Variants in RANBP2 observed in about 807,000 individuals in gnomAD.
RANBP2 encodes E3 SUMO-protein ligase RanBP2.
In RANBP2, 57 loss-of-function variants were observed where a neutral mutation model predicts 303.6. The observed-to-expected ratio is 0.19, with a 90% CI of 0.15 to 0.23. RANBP2 has a LOEUF of 0.23. Among genes scored for constraint, RANBP2 ranks in the 10% least tolerant of loss-of-function variants. The pLI, the probability that RANBP2 is intolerant of heterozygous loss-of-function variation, is 1.00. For synonymous variants in RANBP2, 1,167 were observed against 1,301.5 expected (o/e 0.90, Z 2.23); for missense variants, 3,138 against 3,780.8 (o/e 0.83, Z 4.46).
the RANBP2 span, among the ~76,000 whole-genome samples, chr2:109,025,734 C>A: frequency 6.6e-6 from 1 of 150,432 alleles, no homozygotes; most frequent in Non-Finnish European, 1.5e-5. Flanking sequence ...GGAGGCAGAG[C>A]TTGCAGTGAG....
At chr2:108,923,582 C>T in the RANBP2 span, 3 of 757,304 alleles carry the variant, frequency 4.0e-6, no homozygotes, top group Non-Finnish European at 7.1e-6. Flanking sequence ...CACGCCCACT[C>T]AGTCACCTGC....
Position 108,735,534 on chromosome 2 carries a change from A to G in RANBP2, c.408A>G (p.Glu136=). ...PGSPAIYKLK[E]QLLDCEGEDG... is the part of the protein sequence containing the mutation. ...TTTTCTTTTTCCCCTCTAAATAGGA[A>G]CAGCTTCTAGATTGTGAAGGTGAAG... The change falls in exon 5 of 29, where the codon GAA becomes GAG. Residue 136 remains glutamate, a splice_region_variant and synonymous_variant. Coordinates refer to ENST00000283195, the MANE Select transcript of RANBP2 (RefSeq NM_006267.5). 1 of 1,597,572 alleles carries G rather than the reference A, an allele frequency of 6.3e-7. No homozygotes were observed. The highest frequency in any genetic ancestry group is 8.5e-7 in the Non-Finnish European group (1 of 1,179,776).
At chr2:108,866,345 G>A in the RANBP2 span, among the ~76,000 whole-genome samples, 3 of 152,322 alleles carry the variant, frequency 2.0e-5, no homozygotes, top group South Asian at 2.1e-4. Flanking sequence ...CATCTGCAAA[G>A]CATTTGTCTT....
chr2:109,172,085 T>G, the RANBP2 span, among the ~76,000 whole-genome samples: 2 of 152,224 alleles, frequency 1.3e-5, no homozygotes, highest in African/African-American at 4.8e-5. Flanking sequence ...AAACTTGATA[T>G]GCACGTCATT....
At chr2:109,670,594 C>T in the RANBP2 span, among the ~76,000 whole-genome samples, 4 of 152,094 alleles carry the variant, frequency 2.6e-5, no homozygotes, top group Non-Finnish European at 5.9e-5. Flanking sequence ...GGGCTGTTCT[C>T]CTCTCCCCAG....
the RANBP2 span, among the ~76,000 whole-genome samples, chr2:108,842,646 A>G: frequency 3.3e-5 from 5 of 152,094 alleles, no homozygotes; most frequent in Non-Finnish European, 4.4e-5. Flanking sequence ...TAGCTATTCC[A>G]TAGGGAAGTG....
the RANBP2 span, among the ~76,000 whole-genome samples, chr2:109,346,307 G>C: frequency 2.0e-5 from 3 of 152,152 alleles, no homozygotes; most frequent in Non-Finnish European, 4.4e-5. Flanking sequence ...TGACGTTGCT[G>C]AAACATAAAT....
the RANBP2 span, among the ~76,000 whole-genome samples, chr2:108,805,500 C>T: frequency 1.5e-4 from 23 of 151,656 alleles, no homozygotes; most frequent in South Asian, 4.4e-3. Context: ...CTGAGGTGGG[C>T]GGATCACGAG....
At chr2:109,108,812 G>C in the RANBP2 span, among the ~76,000 whole-genome samples, 1 of 152,188 alleles carries the variant, frequency 6.6e-6, no homozygotes, top group South Asian at 2.1e-4. Context: ...TCCTCTCTCA[G>C]TCTTTGCCGC....
At chr2:109,610,952 A>G in the RANBP2 span, among the ~76,000 whole-genome samples, 2 of 152,324 alleles carry the variant, frequency 1.3e-5, no homozygotes, top group South Asian at 2.1e-4. Flanking sequence ...AAATCAGTCT[A>G]CCTTATTTCA....
the RANBP2 span, among the ~76,000 whole-genome samples, chr2:109,255,310 C>G: frequency 5.9e-5 from 9 of 152,146 alleles, no homozygotes; most frequent in Non-Finnish European, 5.9e-5. Context: ...CCATACCACC[C>G]ACCGGTGAAA....
At chr2:109,292,931 C>T in the RANBP2 span, among the ~76,000 whole-genome samples, 3 of 152,138 alleles carry the variant, frequency 2.0e-5, no homozygotes, top group Non-Finnish European at 4.4e-5. Context: ...AGGGTTTCAC[C>T]ATGTTGGTCA....
the RANBP2 span, among the ~76,000 whole-genome samples, chr2:108,902,872 A>G: frequency 6.6e-6 from 1 of 152,216 alleles, no homozygotes; most frequent in Admixed American, 6.5e-5. Flanking sequence ...CATCATTTAT[A>G]TTCACTGTAG....
chr2:109,058,280 G>C, the RANBP2 span, among the ~76,000 whole-genome samples: 1 of 152,208 alleles, frequency 6.6e-6, no homozygotes, highest in Non-Finnish European at 1.5e-5. Context: ...AGTGTGGAGA[G>C]GGTACTGACT....
At position 108,771,767 on chromosome 2, in the gene RANBP2, C is replaced by T. The variant is rs955573902; in HGVS notation, c.7916C>T (p.Thr2639Ile). ...DDDVLIVYEL[T>I]PTAEQKALAT... Reference sequence around the variant, plus strand: ...GATGTTCTCATTGTATATGAACTAACTCCAACCGCTGAGCAGAAAGCCCTT... The same window carrying T: ...GATGTTCTCATTGTATATGAACTAATTCCAACCGCTGAGCAGAAAGCCCTT... The change falls in exon 21 of 29, where the codon ACT becomes ATT. Residue 2639 changes from threonine to isoleucine, a missense_variant. Thr to Ile is a moderately conservative substitution (Grantham distance 89). Transcript: ENST00000283195. The T allele has an allele frequency of 1.9e-6, 3 of 1,613,976 alleles. No homozygotes were observed. Among genetic ancestry groups the T allele is most frequent in the East Asian group, 2.2e-5 (1 of 44,866 alleles).
chr2:108,973,625 G>A, the RANBP2 span, among the ~76,000 whole-genome samples: 1 of 152,224 alleles, frequency 6.6e-6, no homozygotes, highest in Non-Finnish European at 1.5e-5. Flanking sequence ...GCCTCCGGAA[G>A]AACAGAAGGA....
At chr2:109,415,828 C>T in the RANBP2 span, among the ~76,000 whole-genome samples, 1 of 152,220 alleles carries the variant, frequency 6.6e-6, no homozygotes, top group Non-Finnish European at 1.5e-5. Flanking sequence ...TGAATGTCCC[C>T]TCTGAAATTC....
At chr2:109,280,276 G>T in the RANBP2 span, among the ~76,000 whole-genome samples, 4 of 152,186 alleles carry the variant, frequency 2.6e-5, no homozygotes, top group African/African-American at 7.2e-5. Flanking sequence ...GGAAGGAAAC[G>T]CAGAGGCCTT....
At chr2:109,354,018 AG>A in the RANBP2 span, among the ~76,000 whole-genome samples, 1 of 152,224 alleles carries the variant, frequency 6.6e-6, no homozygotes, top group African/African-American at 2.4e-5. Context: ...ACAAAGATGC[AG>A]GGCCAGCCCG....
Sources: gnomAD v4.1 joint callset for allele counts (sites outside exome capture counted in the v4.1 genomes callset) on GRCh38, gnomAD v4.1.1 for gene constraint, MANE v1.5 for transcripts, NCBI Gene and HGNC (gene_info 2026-07-23, HGNC 2026-07-21) for gene names.